The following ROBO2 variants were observed in gnomAD, a reference collection of about 807,000 sequenced individuals.
ROBO2 encodes the protein roundabout guidance receptor 2, also known as roundabout homolog 2.
ROBO2 carries 53 observed loss-of-function variants against 160.8 expected under a neutral mutation model. The ratio of observed to expected loss-of-function variants is 0.33; its 90% CI spans 0.26 to 0.41. The LOEUF is 0.41. Ranked by LOEUF, ROBO2 falls within the 10% of genes least tolerant of loss-of-function variation. The pLI, the probability that ROBO2 is intolerant of heterozygous loss-of-function variation, is 1.00. For missense variants in ROBO2, 1,577 were observed against 1,722.4 expected (o/e 0.92, Z 1.49); for synonymous variants, 664 against 611.7 (o/e 1.09, Z -1.26).
At chr3:76,625,608 TAAA>T (rs1415671751) in intron 2 of ROBO2, among the ~76,000 whole-genome samples, 3 of 151,646 alleles carry the variant, frequency 2.0e-5, no homozygotes, top group Middle Eastern at 3.2e-3. Flanking sequence ...AAAAAGGAAG[TAAA>T]GGAGGAAGTT....
chr3:76,045,349 A>G (rs1393618787), intron 2 of ROBO2, among the ~76,000 whole-genome samples: 2 of 151,882 alleles, frequency 1.3e-5, no homozygotes, highest in African/African-American at 4.9e-5. Context: ...CTCACATTCC[A>G]CTGTGGAATG....
intron 2 of ROBO2, among the ~76,000 whole-genome samples, chr3:76,083,340 T>C (rs148916524): frequency 7.6e-4 from 115 of 152,158 alleles, no homozygotes; most frequent in African/African-American, 2.5e-3. Context: ...AGTATTAAGA[T>C]CAGGAAATAA....
intron 2 of ROBO2, among the ~76,000 whole-genome samples, chr3:76,218,189 A>G (rs535066546): frequency 1.3e-5 from 2 of 152,308 alleles, no homozygotes; most frequent in East Asian, 1.9e-4. Flanking sequence ...ATCTATTGCA[A>G]ACACACAGCC....
intron 2 of ROBO2, among the ~76,000 whole-genome samples, chr3:77,203,057 A>G (rs1012233071): frequency 2.6e-5 from 4 of 152,192 alleles, no homozygotes; most frequent in African/African-American, 7.2e-5. Context: ...TCATGGTGTA[A>G]AGTCAGTTGG....
At chr3:76,667,979 G>A (rs1264441458) in intron 2 of ROBO2, among the ~76,000 whole-genome samples, 1 of 151,934 alleles carries the variant, frequency 6.6e-6, no homozygotes, top group East Asian at 1.9e-4. Context: ...TCAAAAATTT[G>A]TAAGCCCCTG....
intron 2 of ROBO2, among the ~76,000 whole-genome samples, chr3:76,881,809 T>A (rs1236421477): frequency 6.6e-6 from 1 of 152,206 alleles, no homozygotes; most frequent in Non-Finnish European, 1.5e-5. Flanking sequence ...TATGGCAGAA[T>A]GTGTGGAGGC....
At chr3:77,207,076 T>C (rs1013377025) in intron 2 of ROBO2, among the ~76,000 whole-genome samples, 1 of 152,350 alleles carries the variant, frequency 6.6e-6, no homozygotes, top group South Asian at 2.1e-4. Context: ...AACAATCGTA[T>C]GCAAATATGG....
intron 2 of ROBO2, among the ~76,000 whole-genome samples, chr3:76,908,483 A>C (rs2075763061): frequency 6.6e-6 from 1 of 152,210 alleles, no homozygotes; most frequent in Non-Finnish European, 1.5e-5. Context: ...GGTTTCACTA[A>C]CTTTCAGAGT....
chr3:77,067,766 A>C (rs1478846563), intron 1 of ROBO2, among the ~76,000 whole-genome samples: 1 of 152,154 alleles, frequency 6.6e-6, no homozygotes, highest in African/African-American at 2.4e-5. Context: ...ATAGATGAGA[A>C]AACCATGGCT....
intron 2 of ROBO2, among the ~76,000 whole-genome samples, chr3:76,792,482 A>G (rs770708115): frequency 6.6e-6 from 1 of 151,774 alleles, no homozygotes; most frequent in Non-Finnish European, 1.5e-5. Context: ...GTGAAAATAG[A>G]TCATCAGAAT....
intron 2 of ROBO2, among the ~76,000 whole-genome samples, chr3:76,191,925 G>C (rs1702024128): frequency 6.6e-6 from 1 of 151,850 alleles, no homozygotes; most frequent in East Asian, 1.9e-4. Flanking sequence ...TCCCTATTTT[G>C]CTTGCCCCAT....
intron 2 of ROBO2, among the ~76,000 whole-genome samples, chr3:77,278,338 G>GATAACACTGTA (rs1008599302): frequency 1.3e-5 from 2 of 152,064 alleles, no homozygotes; most frequent in African/African-American, 4.8e-5. Flanking sequence ...TGGCCTTCCT[G>GATAACACTGTA]ATAACACTGT....
At chr3:75,978,117 T>C (rs1222258768) in intron 2 of ROBO2, among the ~76,000 whole-genome samples, 1 of 151,552 alleles carries the variant, frequency 6.6e-6, no homozygotes, top group Admixed American at 6.6e-5. Flanking sequence ...TCAGTAGATA[T>C]TAAATTTTAC....
intron 2 of ROBO2, among the ~76,000 whole-genome samples, chr3:76,922,783 G>A (rs1409562960): frequency 6.6e-6 from 1 of 152,192 alleles, no homozygotes; most frequent in Non-Finnish European, 1.5e-5. Flanking sequence ...GCCTTCCAGA[G>A]TCCCAAGACT....
intron 2 of ROBO2, among the ~76,000 whole-genome samples, chr3:77,019,506 C>T (rs1296850750): frequency 6.6e-6 from 1 of 152,024 alleles, no homozygotes; most frequent in Non-Finnish European, 1.5e-5. Flanking sequence ...AAGTATAAGG[C>T]AGGAAGAAGA....
chr3:76,386,445 C>A (rs1270327345), intron 2 of ROBO2, among the ~76,000 whole-genome samples: 1 of 148,454 alleles, frequency 6.7e-6, no homozygotes, highest in Non-Finnish European at 1.5e-5. Context: ...GTGAACAAGA[C>A]AAGCGGAAGA....
At chr3:76,991,940 G>C (rs1256772952) in intron 2 of ROBO2, among the ~76,000 whole-genome samples, 1 of 152,082 alleles carries the variant, frequency 6.6e-6, no homozygotes, top group Non-Finnish European at 1.5e-5. Flanking sequence ...AGTCACTCTG[G>C]TATACATATG....
intron 2 of ROBO2, among the ~76,000 whole-genome samples, chr3:77,279,484 C>A (rs1040962973): frequency 2.0e-5 from 3 of 152,030 alleles, no homozygotes; most frequent in Non-Finnish European, 4.4e-5. Flanking sequence ...GGGGTGTGTT[C>A]ATAATGATTA....
intron 2 of ROBO2, among the ~76,000 whole-genome samples, chr3:76,243,914 A>G (rs1299133957): frequency 6.6e-6 from 1 of 152,132 alleles, no homozygotes; most frequent in Non-Finnish European, 1.5e-5. Flanking sequence ...GTAGAGAACA[A>G]TGTAAGTTTT....
Sources: gnomAD v4.1 joint callset for allele counts (sites outside exome capture counted in the v4.1 genomes callset) on GRCh38, gnomAD v4.1.1 for gene constraint, MANE v1.5 for transcripts, NCBI Gene and HGNC (gene_info 2026-07-23, HGNC 2026-07-21) for gene names.